Variants in P3H2 observed in about 807,000 individuals in gnomAD.
P3H2 encodes the protein leprecan-like 1.
Under a neutral mutation model 87.0 loss-of-function variants are expected in P3H2, and 80 were observed. That is an observed-to-expected ratio of 0.92 (90% CI 0.77 to 1.11). The LOEUF (loss-of-function observed/expected upper bound fraction) is 1.11, where lower values mean the gene tolerates loss of function less well. Among genes scored for constraint, P3H2 ranks in the 50% least tolerant of loss-of-function variants. The pLI, the probability that P3H2 is intolerant of heterozygous loss-of-function variation, is 0.00. For synonymous variants in P3H2, 367 were observed against 359.3 expected (o/e 1.02, Z -0.24); for missense variants, 1,001 against 923.9 (o/e 1.08, Z -1.08).
At chr3:190,060,948 C>T (rs184392151) in intron 1 of P3H2, among the ~76,000 whole-genome samples, 1 of 152,130 alleles carries the variant, frequency 6.6e-6, no homozygotes, top group Admixed American at 6.6e-5. Context: ...ATTTATGGGG[C>T]ACATGTACAA....
rs1405378201 is a variant in P3H2, at chr3:190,004,615, C to T, written c.481-9173G>A. Among the ~76,000 whole-genome samples the T allele has an allele frequency of 2.6e-5, 4 of 152,096 alleles. No homozygotes were observed. The East Asian group carries it at 7.8e-4, about 29-fold the overall frequency. The stretch of plus-strand genomic sequence containing the variant: ...GCCGGGATGGTCTCGATCTCCTGAC[C>T]TTGTGATCCGCCCGCCTCGGCCTCC... On this transcript the variant is annotated intron_variant, in intron 1 of 14. Transcript: ENST00000319332.
chr3:190,084,959 AAAAG>A (rs1687435126), intron 1 of P3H2, among the ~76,000 whole-genome samples: 1 of 151,868 alleles, frequency 6.6e-6, no homozygotes, highest in Non-Finnish European at 1.5e-5. Context: ...ACAAAAAAAA[AAAAG>A]AAAGAAAGAA....
chr3:190,112,145 TACA>T (rs909965516), intron 1 of P3H2, among the ~76,000 whole-genome samples: 24 of 151,684 alleles, frequency 1.6e-4, no homozygotes, highest in African/African-American at 5.8e-4. Context: ...GTGTGGATCT[TACA>T]ACTAGTGGTC....
At chr3:190,047,259 C>T (rs763848885) in intron 1 of P3H2, among the ~76,000 whole-genome samples, 1 of 152,034 alleles carries the variant, frequency 6.6e-6, no homozygotes, top group Non-Finnish European at 1.5e-5. Context: ...GGTGACCTGA[C>T]AATGATGTTG....
intron 1 of P3H2, among the ~76,000 whole-genome samples, chr3:190,040,964 A>C (rs1725587751): frequency 6.9e-6 from 1 of 145,082 alleles, no homozygotes; most frequent in Non-Finnish European, 1.5e-5. Flanking sequence ...CAGGCAGATC[A>C]CTTGAACTCA....
At position 189,994,181 on chromosome 3, in the gene P3H2, C is replaced by T. The variant is rs1224685440; in HGVS notation, c.736G>A (p.Glu246Lys). The change falls in exon 3 of 15, where the codon GAA becomes AAA. Residue 246 changes from glutamate to lysine, a missense_variant. Transcript: ENST00000319332. ...GGCCCCTCACATAGGGTCCGGCATT[C>T]TGTATCTTCAACGAAATATTCTCTT... is the stretch of plus-strand genomic sequence containing the variant. ...ALREYFVEDT[E>K]CRTLCEGPQR... The T allele has an allele frequency of 1.2e-6, 2 of 1,613,688 alleles. No homozygotes were observed. Among genetic ancestry groups the T allele is most frequent in the Admixed American group, 1.7e-5 (1 of 60,000 alleles).
In P3H2 at chr3:190,120,435, GGGGGGC is replaced by G; in HGVS notation, c.291_296del (p.Pro98_Pro99del). On this transcript the variant is annotated inframe_deletion, in exon 1 of 15. Coordinates refer to ENST00000319332, the MANE Select transcript of P3H2 (RefSeq NM_018192.4). ...GCAGCTCAGCGCCGGGGCCCTCGCC[GGGGGGC>G]GGGGGCGGGAGCGGGTGGCGCGCCG... The G allele has an allele frequency of 6.9e-7, 1 of 1,443,128 alleles. No homozygotes were observed. Among genetic ancestry groups the G allele is most frequent in the Non-Finnish European group, 9.0e-7 (1 of 1,107,504 alleles). 89.4% of individuals were successfully genotyped at this position (1,443,128 alleles called of 1,614,324 possible).
At chr3:190,032,123 G>A (rs1423816543) in intron 1 of P3H2, among the ~76,000 whole-genome samples, 1 of 152,142 alleles carries the variant, frequency 6.6e-6, no homozygotes, top group African/African-American at 2.4e-5. Context: ...ACGAGATGGA[G>A]GATATGCTTC....
intron 1 of P3H2, among the ~76,000 whole-genome samples, chr3:190,089,288 C>T (rs923569102): frequency 3.3e-5 from 5 of 152,154 alleles, no homozygotes; most frequent in East Asian, 1.9e-4. Context: ...TTAATGGGTG[C>T]AGCACACCAA....
chr3:189,966,121 GAAAA>G (rs372324965), intron 13 of P3H2, among the ~76,000 whole-genome samples: 14 of 70,742 alleles, frequency 2.0e-4, no homozygotes, highest in Admixed American at 1.7e-3. Context: ...AAGAAAGAAA[GAAAA>G]AGAAAGAAAG....
intron 14 of P3H2, among the ~76,000 whole-genome samples, chr3:189,958,699 CTTTTTT>C (rs71175319): frequency 2.5e-5 from 3 of 120,204 alleles, no homozygotes; most frequent in African/African-American, 9.7e-5. Context: ...ATTGCTCCCT[CTTTTTT>C]TTTTTTTTTT....
rs1231356793 is a variant in P3H2, at chr3:189,974,597, C to A, written c.1413G>T (p.Leu471=). ...GTQRVLLDNV[L]SEEQCRELHS... ...GGAGCTCCCGGCACTGTTCTTCCGA[C>A]AGGACGTTATCCAGGAGAACCCGCT... Residue 471 remains leucine, a synonymous_variant, in exon 9 of 15, where the codon CTG becomes CTT. Transcript: ENST00000319332. 1 of 1,614,158 alleles carries A rather than the reference C, an allele frequency of 6.2e-7. No homozygotes were observed. Among genetic ancestry groups the A allele is most frequent in the East Asian group, 2.2e-5 (1 of 44,878 alleles).
intron 1 of P3H2, among the ~76,000 whole-genome samples, chr3:190,006,868 A>T (rs2108931551): frequency 6.6e-6 from 1 of 152,322 alleles, no homozygotes; most frequent in South Asian, 2.1e-4. Context: ...GAGTAATGGG[A>T]AACAAGGTGG....
intron 1 of P3H2, among the ~76,000 whole-genome samples, chr3:190,095,592 GA>G (rs1353459901): frequency 6.9e-6 from 1 of 145,768 alleles, no homozygotes; most frequent in Non-Finnish European, 1.5e-5. Context: ...AACAAGTTGT[GA>G]TTCCTTTTTT....
intron 1 of P3H2, among the ~76,000 whole-genome samples, chr3:190,075,498 GA>G (rs1475810598): frequency 6.9e-6 from 1 of 145,378 alleles, no homozygotes; most frequent in Non-Finnish European, 1.5e-5. Context: ...AAAAAAAAAA[GA>G]AAAAAAGAAA....
chr3:189,980,140 T>C lies in P3H2; in HGVS notation c.1324+2906A>G, dbSNP rs541253532. ...ATGCTTAGGAGCTGTCCAGTAGGAA[T>C]AATACAAAATACTAAACACTGATAG... On this transcript the variant is annotated intron_variant, in intron 8 of 14. Transcript: ENST00000319332. Among the ~76,000 whole-genome samples the C allele has an allele frequency of 3.9e-3, 597 of 152,282 alleles. 1 individual carries two copies. Among genetic ancestry groups the C allele is most frequent in the African/African-American group, 0.013 (537 of 41,562 alleles).
chr3:190,114,720 C>T (rs147206481), intron 1 of P3H2, among the ~76,000 whole-genome samples: 1,605 of 151,944 alleles, frequency 0.011, 10 homozygotes, highest in South Asian at 0.016. Context: ...GGTTTAAGCA[C>T]AAAAAAGTGT....
chr3:190,120,377 A>T lies in P3H2; in HGVS notation c.355T>A (p.Cys119Ser), dbSNP rs759546991. The T allele has an allele frequency of 9.7e-6, 15 of 1,542,016 alleles. No individual in the cohort carries two copies. The highest frequency in any genetic ancestry group is 1.3e-5 in the Non-Finnish European group (15 of 1,149,520). ...LFRSLLGRAR[C>S]YRSCETQRLG... ...CGCTGGGTCTCACAGCTGCGATAACAGCGCGCCCGCCCCAACAAGGAGCGG... is the reference window on the plus strand; with the variant it reads ...CGCTGGGTCTCACAGCTGCGATAACTGCGCGCCCGCCCCAACAAGGAGCGG... The change falls in exon 1 of 15, where the codon TGT (cysteine) becomes AGT (serine). Residue 119 changes from cysteine to serine, a missense_variant. Cys to Ser is a moderately radical substitution (Grantham distance 112). Coordinates refer to ENST00000319332, the MANE Select transcript of P3H2 (RefSeq NM_018192.4).
At chr3:190,041,374 T>C (rs1328059482) in intron 1 of P3H2, among the ~76,000 whole-genome samples, 3 of 151,812 alleles carry the variant, frequency 2.0e-5, no homozygotes, top group East Asian at 3.9e-4. Context: ...ATTAAGAGTA[T>C]ATTTTTTAAA....
Sources: allele counts gnomAD v4.1 joint callset (sites outside exome capture counted in the v4.1 genomes callset), GRCh38; gene constraint gnomAD v4.1.1; transcripts MANE v1.5; gene names NCBI Gene and HGNC (gene_info 2026-07-23, HGNC 2026-07-21).